ZNF804A: variants seen among roughly 807,000 people sequenced by gnomAD.
ZNF804A encodes the protein zinc finger protein 804A.
Under a neutral mutation model 16.5 loss-of-function variants are expected in ZNF804A, and 2 were observed. The ratio of observed to expected loss-of-function variants is 0.12; its 90% CI spans 0.05 to 0.38. ZNF804A has a LOEUF of 0.38. Among genes scored for constraint, ZNF804A ranks in the 10% least tolerant of loss-of-function variants. The probability of loss-of-function intolerance (pLI) is 0.99; values close to 1 mark genes in which losing one functional copy is unlikely to be tolerated. For missense variants in ZNF804A, 1,473 were observed against 1,390.7 expected (o/e 1.06, Z -0.94); for synonymous variants, 534 against 489.6 (o/e 1.09, Z -1.20).
chr2:184,800,298 T>G (rs1694703822), intron 1 of ZNF804A, among the ~76,000 whole-genome samples: 1 of 152,048 alleles, frequency 6.6e-6, no homozygotes, highest in African/African-American at 2.4e-5. Flanking sequence ...CTCATTGAAG[T>G]ATTTTTTAAG....
chr2:184,607,936 C>CTTTTTTTTTTTTTTTT (rs34262998), intron 1 of ZNF804A, among the ~76,000 whole-genome samples: 1 of 65,654 alleles, frequency 1.5e-5, no homozygotes, highest in Non-Finnish European at 2.6e-5. Flanking sequence ...TGATGCATCT[C>CTTTTTTTTTTTTTTTT]TTTTTTTTTT....
intron 1 of ZNF804A, among the ~76,000 whole-genome samples, chr2:184,688,311 G>A (rs897578306): frequency 9.3e-5 from 14 of 150,890 alleles, no homozygotes; most frequent in African/African-American, 3.4e-4. Context: ...TGTATCATTG[G>A]AGAAATCTTT....
At chr2:184,735,998 A>G (rs896382152) in intron 1 of ZNF804A, among the ~76,000 whole-genome samples, 4 of 152,230 alleles carry the variant, frequency 2.6e-5, no homozygotes, top group Admixed American at 2.0e-4. Flanking sequence ...AATATGAAAT[A>G]TAAGTATCCT....
chr2:184,840,964 C>T (rs990496827), intron 1 of ZNF804A, among the ~76,000 whole-genome samples: 3 of 152,062 alleles, frequency 2.0e-5, no homozygotes, highest in African/African-American at 7.2e-5. Flanking sequence ...TAAGACGTTT[C>T]GCCATAATGC....
intron 1 of ZNF804A, among the ~76,000 whole-genome samples, chr2:184,736,646 C>T (rs1693618376): frequency 6.6e-6 from 1 of 152,002 alleles, no homozygotes; most frequent in Admixed American, 6.6e-5. Flanking sequence ...ACCACCACGG[C>T]ACACGTATAC....
chr2:184,631,271 C>T (rs1453480980), intron 1 of ZNF804A, among the ~76,000 whole-genome samples: 4 of 152,120 alleles, frequency 2.6e-5, no homozygotes, highest in Admixed American at 2.6e-4. Flanking sequence ...ACTCCTTTCA[C>T]TCTGCTGTCC....
chr2:184,930,070 T>C (rs1339874631), intron 2 of ZNF804A, among the ~76,000 whole-genome samples: 5 of 152,070 alleles, frequency 3.3e-5, no homozygotes, highest in African/African-American at 9.7e-5. Flanking sequence ...AAAGTAAAAA[T>C]ATTTTCTTTA....
intron 1 of ZNF804A, among the ~76,000 whole-genome samples, chr2:184,621,028 CAG>C (rs923757332): frequency 6.6e-6 from 1 of 151,310 alleles, no homozygotes; most frequent in African/African-American, 2.4e-5. Context: ...CAGAAGCAGA[CAG>C]AAATAACAGA....
At chr2:184,827,903 T>C (rs1695191172) in intron 1 of ZNF804A, among the ~76,000 whole-genome samples, 1 of 151,828 alleles carries the variant, frequency 6.6e-6, no homozygotes, top group South Asian at 2.1e-4. Context: ...AAAATTTTTG[T>C]TTCTTTCCTT....
chr2:184,605,715 A>G (rs1691135048), intron 1 of ZNF804A, among the ~76,000 whole-genome samples: 1 of 152,170 alleles, frequency 6.6e-6, no homozygotes, highest in South Asian at 2.1e-4. Context: ...CATTTATGTA[A>G]GGGACTTGAG....
At position 184,923,456 on chromosome 2, in the gene ZNF804A, T is replaced by C. The variant is rs183522409; in HGVS notation, c.256-10147T>C. On this transcript the variant is annotated intron_variant, in intron 2 of 3. Transcript: ENST00000302277. ...TCTAAAAGCTTTTTGGTGGCATCTT[T>C]AGTTTTTTCCAGGTATAAGATTATA... Among the ~76,000 whole-genome samples, 120 of 151,768 alleles carry C rather than the reference T, an allele frequency of 7.9e-4. 1 individual carries two copies. The highest frequency in any genetic ancestry group is 1.5e-3 in the Non-Finnish European group (99 of 67,912).
chr2:184,837,458 C>T (rs1260765127), intron 1 of ZNF804A, among the ~76,000 whole-genome samples: 1 of 151,918 alleles, frequency 6.6e-6, no homozygotes, highest in African/African-American at 2.4e-5. Flanking sequence ...TTTCAGACTT[C>T]TATGATTTTT....
intron 1 of ZNF804A, among the ~76,000 whole-genome samples, chr2:184,738,308 A>G (rs1443327732): frequency 6.6e-6 from 1 of 152,092 alleles, no homozygotes; most frequent in Admixed American, 6.6e-5. Context: ...ATGTGTAAGC[A>G]TTTAACTTCC....
chr2:184,776,131 A>T (rs1694282096), intron 1 of ZNF804A, among the ~76,000 whole-genome samples: 1 of 151,684 alleles, frequency 6.6e-6, no homozygotes, highest in Admixed American at 6.6e-5. Context: ...ATAGTTTCTT[A>T]GAAAAAAGAA....
intron 2 of ZNF804A, among the ~76,000 whole-genome samples, chr2:184,898,247 A>G (rs1234728366): frequency 6.6e-6 from 1 of 152,178 alleles, no homozygotes; most frequent in Non-Finnish European, 1.5e-5. Flanking sequence ...CTATCTGCAC[A>G]TAAGTGAGTT....
At chr2:184,709,253 ATTT>A (rs1353078700) in intron 1 of ZNF804A, among the ~76,000 whole-genome samples, 1 of 152,138 alleles carries the variant, frequency 6.6e-6, no homozygotes, top group Non-Finnish European at 1.5e-5. Context: ...AAACTAAAGA[ATTT>A]TATCTAAAGA....
intron 1 of ZNF804A, among the ~76,000 whole-genome samples, chr2:184,636,139 G>A (rs1691691778): frequency 6.6e-6 from 1 of 151,694 alleles, no homozygotes. Context: ...TGCATAAATT[G>A]TATAGGAAGA....
intron 1 of ZNF804A, among the ~76,000 whole-genome samples, chr2:184,693,639 T>C (rs538575998): frequency 6.6e-6 from 1 of 152,344 alleles, no homozygotes; most frequent in African/African-American, 2.4e-5. Flanking sequence ...ATATGACTTA[T>C]ATTTAAATTT....
intron 1 of ZNF804A, among the ~76,000 whole-genome samples, chr2:184,773,751 A>G (rs1408337773): frequency 1.3e-5 from 2 of 151,894 alleles, no homozygotes; most frequent in African/African-American, 4.8e-5. Flanking sequence ...GCCACTAAAG[A>G]AAGAATTCAT....
Sources: allele counts gnomAD v4.1 joint callset (sites outside exome capture counted in the v4.1 genomes callset), GRCh38; gene constraint gnomAD v4.1.1; transcripts MANE v1.5; gene names NCBI Gene and HGNC (gene_info 2026-07-23, HGNC 2026-07-21).